Variants in ADGRL2 observed in about 807,000 individuals in gnomAD.
The protein encoded by ADGRL2 is adhesion G protein-coupled receptor L2.
Under a neutral mutation model 157.4 loss-of-function variants are expected in ADGRL2, and 44 were observed. That is an observed-to-expected ratio of 0.28 (90% CI 0.22 to 0.36). The LOEUF (loss-of-function observed/expected upper bound fraction) is 0.36. Ranked by LOEUF, ADGRL2 falls within the 10% of genes least tolerant of loss-of-function variation. The pLI, the probability that ADGRL2 is intolerant of heterozygous loss-of-function variation, is 1.00. For synonymous variants in ADGRL2, 585 were observed against 624.7 expected (o/e 0.94, Z 0.95); for missense variants, 1,510 against 1,768.9 (o/e 0.85, Z 2.63).
At chr1:81,946,701 A>G (rs141369235) in intron 6 of ADGRL2, among the ~76,000 whole-genome samples, 2 of 152,284 alleles carry the variant, frequency 1.3e-5, no homozygotes, top group Non-Finnish European at 2.9e-5. Context: ...TATATATAGC[A>G]TAGAATTCAT....
chr1:81,409,828 C>T, intron 1 of ADGRL2, among the ~76,000 whole-genome samples: 1 of 152,214 alleles, frequency 6.6e-6, no homozygotes, highest in East Asian at 1.9e-4. Flanking sequence ...CTTCCCACTT[C>T]TGCAGGATTC....
At chr1:81,906,463 A>C (rs967488923) in intron 2 of ADGRL2, among the ~76,000 whole-genome samples, 1 of 152,176 alleles carries the variant, frequency 6.6e-6, no homozygotes, top group Non-Finnish European at 1.5e-5. Context: ...TGTCAGTTTT[A>C]AATAAAGGGT....
At chr1:81,330,875 C>G (rs2182767) in intron 1 of ADGRL2, among the ~76,000 whole-genome samples, 1 of 151,920 alleles carries the variant, frequency 6.6e-6, no homozygotes, top group African/African-American at 2.4e-5. Flanking sequence ...CGTTGCTCAA[C>G]GGATGTTTTA....
chr1:81,562,217 G>A (rs1179026130), intron 2 of ADGRL2, among the ~76,000 whole-genome samples: 1 of 152,092 alleles, frequency 6.6e-6, no homozygotes, highest in Non-Finnish European at 1.5e-5. Flanking sequence ...GGCCCTCAAG[G>A]AAGAAAGTGG....
At chr1:81,921,704 G>A (rs182246607) in intron 3 of ADGRL2, among the ~76,000 whole-genome samples, 3 of 152,230 alleles carry the variant, frequency 2.0e-5, no homozygotes, top group Admixed American at 1.3e-4. Flanking sequence ...TATAATATGA[G>A]GATAGACACT....
rs909386271 is a variant in ADGRL2, at chr1:81,993,894, AAATAAT to A, written c.*2764_*2769del. 21 of 178,312 alleles carry A rather than the reference AAATAAT, an allele frequency of 1.2e-4. No homozygotes were observed. The highest frequency in any genetic ancestry group is 2.3e-4 in the Non-Finnish European group (19 of 83,624). 11.0% of individuals were successfully genotyped at this position (178,312 alleles called of 1,614,324 possible). A position where few individuals can be genotyped will look rare whatever the true frequency, so the allele number is the denominator to read the frequency against. Reference sequence around the variant, plus strand: ...GAGACATTCACTCTGTCTTTATTAAAAATAATAATAATAATAATAAACGTTATCTTG... The same window carrying A: ...GAGACATTCACTCTGTCTTTATTAAAAATAATAATAATAAACGTTATCTTG... On this transcript the variant is annotated 3_prime_UTR_variant, in exon 24 of 24. Transcript: ENST00000686636.
intron 2 of ADGRL2, among the ~76,000 whole-genome samples, chr1:81,519,338 T>C (rs2079256663): frequency 6.6e-6 from 1 of 152,162 alleles, no homozygotes; most frequent in Non-Finnish European, 1.5e-5. Context: ...GTATTTGACT[T>C]CCTGACTCAT....
intron 3 of ADGRL2, among the ~76,000 whole-genome samples, chr1:81,609,202 G>C (rs1401451196): frequency 6.6e-6 from 1 of 151,936 alleles, no homozygotes; most frequent in Non-Finnish European, 1.5e-5. Flanking sequence ...ACCACACCTG[G>C]CTAATTTTTG....
intron 1 of ADGRL2, among the ~76,000 whole-genome samples, chr1:81,428,287 T>A (rs1310600574): frequency 2.0e-5 from 3 of 151,898 alleles, no homozygotes; most frequent in African/African-American, 7.3e-5. Context: ...CATTTGTGAA[T>A]TTAATAGCAT....
chr1:81,804,979 T>C (rs1341222828), intron 1 of ADGRL2, among the ~76,000 whole-genome samples: 1 of 152,194 alleles, frequency 6.6e-6, no homozygotes, highest in African/African-American at 2.4e-5. Flanking sequence ...ACAACTTCTG[T>C]TGCAAAAAGA....
chr1:81,497,093 G>T (rs1446518489), intron 2 of ADGRL2, among the ~76,000 whole-genome samples: 2 of 152,142 alleles, frequency 1.3e-5, no homozygotes, highest in African/African-American at 2.4e-5. Flanking sequence ...GGCCAGGAAT[G>T]ACTTATATAG....
chr1:81,517,629 G>A (rs867061588), intron 2 of ADGRL2, among the ~76,000 whole-genome samples: 48 of 152,234 alleles, frequency 3.2e-4, no homozygotes, highest in Non-Finnish European at 5.7e-4. Context: ...GTAATAGGAG[G>A]GAGAGGAAGC....
At chr1:81,800,651 C>G (rs930567305), upstream of ADGRL2, 11 of 152,068 alleles carry the variant, frequency 7.2e-5, no homozygotes, top group Non-Finnish European at 1.5e-4. Context: ...GCGGCGCTCT[C>G]CCAAATACTC....
chr1:81,469,717 G>A (rs1452527554), intron 2 of ADGRL2, among the ~76,000 whole-genome samples: 1 of 152,032 alleles, frequency 6.6e-6, no homozygotes, highest in African/African-American at 2.4e-5. Context: ...TCTCATTATA[G>A]TGGACTTCTG....
intron 3 of ADGRL2, among the ~76,000 whole-genome samples, chr1:81,581,310 T>G (rs2080901633): frequency 6.6e-6 from 1 of 152,206 alleles, no homozygotes; most frequent in Non-Finnish European, 1.5e-5. Context: ...GGTGTTTTCA[T>G]CCTTCAAATC....
At chr1:81,555,124 A>G (rs1224397285) in intron 2 of ADGRL2, among the ~76,000 whole-genome samples, 2 of 152,154 alleles carry the variant, frequency 1.3e-5, no homozygotes, top group African/African-American at 4.8e-5. Context: ...ACAGAGCCAC[A>G]GGAGTACTGC....
chr1:81,721,839 C>A, intron 1 of ADGRL2: 1 of 907,940 alleles, frequency 1.1e-6, no homozygotes, highest in Non-Finnish European at 1.8e-6. Context: ...AAAGCTAAAT[C>A]TGAAGAAAAT....
At chr1:81,343,563 T>C (rs1033487613) in intron 1 of ADGRL2, among the ~76,000 whole-genome samples, 14 of 152,168 alleles carry the variant, frequency 9.2e-5, no homozygotes, top group African/African-American at 3.4e-4. Context: ...CAACTAATCC[T>C]TATTTCTGAT....
In ADGRL2 at chr1:81,991,176, T is replaced by C. The variant is rs1664540596; in HGVS notation, c.*31T>C. The C allele has an allele frequency of 1.3e-6, 2 of 1,557,702 alleles. No homozygotes were observed. On this transcript the variant is annotated 3_prime_UTR_variant, in exon 24 of 24. Transcript: ENST00000686636. ...CAGCTAAGGAATTCCAAGGGCCACA[T>C]GCGAGTATTAATAAATAAAGACACC...
Sources: allele counts gnomAD v4.1 joint callset (sites outside exome capture counted in the v4.1 genomes callset), GRCh38; gene constraint gnomAD v4.1.1; transcripts MANE v1.5; gene names NCBI Gene and HGNC (gene_info 2026-07-23, HGNC 2026-07-21).